ATP8A2: variants seen among roughly 807,000 people sequenced by gnomAD.
The protein encoded by ATP8A2 is phospholipid-transporting ATPase IB.
ATP8A2 carries 100 observed loss-of-function variants against 165.6 expected under a neutral mutation model. The observed-to-expected ratio is 0.60, with a 90% confidence interval of 0.51 to 0.71. The LOEUF (loss-of-function observed/expected upper bound fraction) is 0.71, where lower values mean the gene tolerates loss of function less well. Among genes scored for constraint, ATP8A2 ranks in the 30% least tolerant of loss-of-function variants. The pLI, the probability that ATP8A2 is intolerant of heterozygous loss-of-function variation, is 0.00. For synonymous variants in ATP8A2, 543 were observed against 548.8 expected, an observed-to-expected ratio of 0.99 and a Z score of 0.15; for missense variants, 1,227 against 1,479.5, an observed-to-expected ratio of 0.83 and a Z score of 2.80.
chr13:25,966,700 G>A (rs1192384026), intron 34 of ATP8A2, among the ~76,000 whole-genome samples: 3 of 152,230 alleles, frequency 2.0e-5, no homozygotes, highest in African/African-American at 7.2e-5. Flanking sequence ...ATGCCTGGGA[G>A]CACTGACATG....
rs186455351 is a variant in ATP8A2 at position 25,734,231 on chromosome 13, C to T, written c.2385-34815C>T. 1.6e-3 allele frequency among the ~76,000 whole-genome samples: 242 copies of T among 152,302 alleles called. 1 individual carries two copies. The highest frequency in any genetic ancestry group is 5.1e-3 in the African/African-American group (212 of 41,564). The stretch of plus-strand genomic sequence containing the variant: ...ACCCTCCTTCCTAATTACCTTCTCC[C>T]ATTCCACCCACATTCCTGTACTGGT... On this transcript the variant is annotated intron_variant, in intron 25 of 36. Coordinates refer to ENST00000381655, the MANE Select transcript of ATP8A2 (RefSeq NM_016529.6).
In ATP8A2 at chr13:25,540,350, G is replaced by T; in HGVS notation, c.613G>T (p.Ala205Ser). The change falls in exon 8 of 37, where the codon GCT (alanine) becomes TCT (serine). Residue 205 changes from alanine to serine, a missense_variant. By Grantham distance (99) the Ala-to-Ser change is moderately conservative (BLOSUM62 1). Transcript: ENST00000381655. ...EPQAMCYVETANLDGETNLKI... is the reference protein window; with the variant it reads ...EPQAMCYVETSNLDGETNLKI... ...TCAGGCAATGTGTTATGTTGAAACA[G>T]CTAATCTGGATGGGGAGACGAACCT... 6.2e-7 allele frequency: 1 copy of T among 1,614,020 alleles called. No homozygotes were observed. The highest frequency in any genetic ancestry group is 8.5e-7 in the Non-Finnish European group (1 of 1,179,912).
intron 35 of ATP8A2, among the ~76,000 whole-genome samples, chr13:25,988,055 A>C (rs999052831): frequency 4.6e-5 from 7 of 152,250 alleles, no homozygotes; most frequent in African/African-American, 1.4e-4. Flanking sequence ...ACAAAGTCGT[A>C]AGTATCTATA....
At chr13:25,388,580 G>A (rs540690666) in intron 1 of ATP8A2, among the ~76,000 whole-genome samples, 45 of 152,234 alleles carry the variant, frequency 3.0e-4, no homozygotes, top group African/African-American at 1.0e-3. Flanking sequence ...AGGGATTTTC[G>A]CAGTGCTTTT....
intron 25 of ATP8A2, among the ~76,000 whole-genome samples, chr13:25,741,823 G>A (rs1379814768): frequency 6.6e-6 from 1 of 152,312 alleles, no homozygotes; most frequent in East Asian, 1.9e-4. Flanking sequence ...GGCAGTATCT[G>A]CCCCTTTTAG....
intron 1 of ATP8A2, among the ~76,000 whole-genome samples, chr13:25,458,660 A>G (rs1453652310): frequency 2.0e-5 from 3 of 152,200 alleles, no homozygotes; most frequent in African/African-American, 7.2e-5. Flanking sequence ...AGGCAGGAGG[A>G]GGAAAGAAAG....
At chr13:25,706,537 T>C (rs1159819462) in intron 25 of ATP8A2, among the ~76,000 whole-genome samples, 1 of 152,228 alleles carries the variant, frequency 6.6e-6, no homozygotes, top group Non-Finnish European at 1.5e-5. Flanking sequence ...TCCTTCAGCC[T>C]GTGAACTACA....
intron 15 of ATP8A2, among the ~76,000 whole-genome samples, chr13:25,562,200 A>G (rs780966045): frequency 6.6e-6 from 1 of 151,996 alleles, no homozygotes; most frequent in Non-Finnish European, 1.5e-5. Context: ...AAACCGTGCT[A>G]TTTTCCATAG....
In ATP8A2 at chr13:25,844,714, G is replaced by A. The variant is rs370353319; in HGVS notation, c.2956+5090G>A. Among the ~76,000 whole-genome samples the A allele has an allele frequency of 2.6e-5, 4 of 152,086 alleles. No homozygotes were observed. In the East Asian group the frequency reaches 5.8e-4, roughly 22 times the overall value. The stretch of plus-strand genomic sequence containing the variant: ...AGCTGCCTGAAGCCATCCCTCAGAT[G>A]GCCACCCACACCCAGAGCCCCAGAG... On this transcript the variant is annotated intron_variant, in intron 30 of 36. Coordinates refer to ENST00000381655, the MANE Select transcript of ATP8A2 (RefSeq NM_016529.6).
In ATP8A2 at chr13:25,769,176, A is replaced by G; in HGVS notation, c.2515A>G (p.Ser839Gly). Residue 839 changes from serine to glycine, a missense_variant, in exon 26 of 37, where the codon AGT (serine) becomes GGT (glycine). By Grantham distance (56) the Ser-to-Gly change is moderately conservative (BLOSUM62 0). Transcript: ENST00000381655. ...GACAGCCCACGTGGGTGTGGGAATC[A>G]GTGGGAATGAAGGCATGCAGGCCAC... Reference protein sequence around the residue: ...IQTAHVGVGISGNEGMQATNN... With the variant: ...IQTAHVGVGIGGNEGMQATNN... The G allele has an allele frequency of 6.2e-7, 1 of 1,613,992 alleles. No homozygotes were observed. The highest frequency in any genetic ancestry group is 8.5e-7 in the Non-Finnish European group (1 of 1,179,870).
chr13:25,522,016 G>T (rs547909595), intron 2 of ATP8A2, among the ~76,000 whole-genome samples: 1 of 151,966 alleles, frequency 6.6e-6, no homozygotes, highest in East Asian at 1.9e-4. Flanking sequence ...GAATATCATT[G>T]GTATTTTTAT....
intron 24 of ATP8A2, among the ~76,000 whole-genome samples, chr13:25,653,485 A>G (rs1187291611): frequency 6.6e-6 from 1 of 152,192 alleles, no homozygotes; most frequent in East Asian, 1.9e-4. Flanking sequence ...AGGATCAGAA[A>G]ATACAACTAA....
At chr13:25,730,109 G>A (rs2043586645) in intron 25 of ATP8A2, among the ~76,000 whole-genome samples, 1 of 152,078 alleles carries the variant, frequency 6.6e-6, no homozygotes, top group South Asian at 2.1e-4. Context: ...GAACAATATG[G>A]TGTAACCCCA....
chr13:25,617,464 G>C (rs931362264), intron 24 of ATP8A2, among the ~76,000 whole-genome samples: 1 of 152,134 alleles, frequency 6.6e-6, no homozygotes, highest in Non-Finnish European at 1.5e-5. Context: ...CATTATTTCA[G>C]TTCCCTCTGA....
intron 33 of ATP8A2, chr13:25,868,107 G>C (rs982209791): frequency 2.0e-5 from 9 of 456,468 alleles, no homozygotes; most frequent in Non-Finnish European, 3.5e-5. Context: ...CCAAGTGCGG[G>C]TGTTGGGATG....
chr13:25,538,346 G>A (rs1399795009), intron 7 of ATP8A2, among the ~76,000 whole-genome samples: 2 of 152,184 alleles, frequency 1.3e-5, no homozygotes, highest in Non-Finnish European at 2.9e-5. Context: ...GTCAAGAGCA[G>A]TGGAGTGGTC....
chr13:25,405,408 A>G (rs2033769715), intron 1 of ATP8A2, among the ~76,000 whole-genome samples: 1 of 152,222 alleles, frequency 6.6e-6, no homozygotes, highest in East Asian at 1.9e-4. Flanking sequence ...GACATTTAGC[A>G]TTAAAGCCCA....
At chr13:25,859,963 T>TTTGG (rs142429618) in intron 30 of ATP8A2, among the ~76,000 whole-genome samples, 17,905 of 151,908 alleles carry the variant, frequency 0.12, 1,421 homozygotes, top group Non-Finnish European at 0.18. Flanking sequence ...AGATCAAGCG[T>TTTGG]TTGGTTGGTT....
intron 23 of ATP8A2, among the ~76,000 whole-genome samples, chr13:25,589,347 C>A (rs368082219): frequency 6.6e-6 from 1 of 152,162 alleles, no homozygotes; most frequent in Non-Finnish European, 1.5e-5. Flanking sequence ...TTACTTTAGA[C>A]GATCCAAGGC....
Sources: gnomAD v4.1 joint callset for allele counts (sites outside exome capture counted in the v4.1 genomes callset) on GRCh38, gnomAD v4.1.1 for gene constraint, MANE v1.5 for transcripts, NCBI Gene and HGNC (gene_info 2026-07-23, HGNC 2026-07-21) for gene names.